Variants in TRPM7 observed in about 807,000 individuals in gnomAD.
TRPM7 encodes the protein LTRPC ion channel family member 7.
TRPM7 carries 134 observed loss-of-function variants against 229.7 expected under a neutral mutation model. That is an observed-to-expected ratio of 0.58 (90% CI 0.51 to 0.67). The LOEUF is 0.67. Among genes scored for constraint, TRPM7 ranks in the 30% least tolerant of loss-of-function variants. TRPM7 has a pLI of 0.00. For synonymous variants in TRPM7, 699 were observed against 715.2 expected, an observed-to-expected ratio of 0.98 and a Z score of 0.36; for missense variants, 1,901 against 2,210.0, an observed-to-expected ratio of 0.86 and a Z score of 2.80.
At chr15:50,599,549 G>GT in intron 21 of TRPM7, 1 of 312,774 alleles carries the variant, frequency 3.2e-6, no homozygotes, top group East Asian at 5.3e-5. Flanking sequence ...ATAATGAATT[G>GT]TATCACTGGT....
At chr15:50,585,460 A>G (rs1331950610) in intron 28 of TRPM7, among the ~76,000 whole-genome samples, 1 of 152,190 alleles carries the variant, frequency 6.6e-6, no homozygotes, top group Non-Finnish European at 1.5e-5. Flanking sequence ...TGGGCTTTCA[A>G]TAGTTCACTA....
intron 17 of TRPM7, 26 bp downstream of exon 17, chr15:50,611,067 T>C (rs573548699): frequency 6.5e-7 from 1 of 1,537,154 alleles, no homozygotes; most frequent in East Asian, 2.3e-5. Context: ...TCACATGCTT[T>C]ATATCAAATT....
chr15:50,683,262 T>C (rs1453278084), intron 1 of TRPM7, among the ~76,000 whole-genome samples: 1 of 151,786 alleles, frequency 6.6e-6, no homozygotes, highest in Non-Finnish European at 1.5e-5. Flanking sequence ...TTTACTTATA[T>C]GTTGAAAGAT....
intron 1 of TRPM7, among the ~76,000 whole-genome samples, chr15:50,682,576 CAA>C (rs146017285): frequency 1.6e-4 from 17 of 103,108 alleles, no homozygotes; most frequent in Admixed American, 2.1e-4. Flanking sequence ...AACTCCATCT[CAA>C]AAAAAAAAAA....
chr15:50,617,175 T>TAAATAAATA (rs2060247498), intron 13 of TRPM7, among the ~76,000 whole-genome samples: 2 of 129,106 alleles, frequency 1.5e-5, no homozygotes, highest in South Asian at 4.9e-4. Context: ...AATAAATAAA[T>TAAATAAATA]AAATAAAATA....
intron 10 of TRPM7, among the ~76,000 whole-genome samples, chr15:50,630,896 C>T (rs1315267016): frequency 6.6e-6 from 1 of 152,006 alleles, no homozygotes; most frequent in African/African-American, 2.4e-5. Flanking sequence ...AATACAGCGG[C>T]ATGATCACAG....
chr15:50,641,703 CA>C (rs2061105489), intron 5 of TRPM7, among the ~76,000 whole-genome samples: 1 of 152,172 alleles, frequency 6.6e-6, no homozygotes, highest in East Asian at 1.9e-4. Context: ...CAATGAGGTT[CA>C]AAAAATAGCT....
rs550902625 is a variant in TRPM7, at chr15:50,577,657, T to C, written c.4618+982A>G. Among the ~76,000 whole-genome samples the C allele has an allele frequency of 3.3e-5, 5 of 152,304 alleles. No homozygotes were observed. The South Asian group carries it at 1.0e-3, about 32-fold the overall frequency. On this transcript the variant is annotated intron_variant, in intron 31 of 38. Coordinates refer to ENST00000646667, the MANE Select transcript of TRPM7 (RefSeq NM_017672.6). ...ACCACTCTGAAAACCTATTTGGTAGTAATTACCAAATGTGAACACATGCTA... is the reference window on the plus strand; with the variant it reads ...ACCACTCTGAAAACCTATTTGGTAGCAATTACCAAATGTGAACACATGCTA...
chr15:50,576,728 A>C (rs754848046), intron 31 of TRPM7, among the ~76,000 whole-genome samples: 1 of 152,250 alleles, frequency 6.6e-6, no homozygotes, highest in Non-Finnish European at 1.5e-5. Context: ...AATGATTTGA[A>C]TATGCAGCTA....
At position 50,559,273 on chromosome 15, in the gene TRPM7, G is replaced by C. The variant is rs2053224580; in HGVS notation, c.*2405C>G. On this transcript the variant is annotated 3_prime_UTR_variant, in exon 39 of 39. Transcript: ENST00000646667. Reference sequence around the variant, plus strand: ...TCACTATGTTGGTCAGGCTGGTCTCGAACTCCTGACCTTGTGATCCGCCCA... The same window carrying C: ...TCACTATGTTGGTCAGGCTGGTCTCCAACTCCTGACCTTGTGATCCGCCCA... The C allele has an allele frequency of 1.3e-5, 2 of 151,680 alleles. No individual in the cohort carries two copies. Among genetic ancestry groups the C allele is most frequent in the African/African-American group, 4.9e-5 (2 of 41,232 alleles). 9.4% of individuals were successfully genotyped at this position (151,680 alleles called of 1,614,324 possible). A position where few individuals can be genotyped will look rare whatever the true frequency, so the allele number is the denominator to read the frequency against.
chr15:50,614,109 C>A lies in TRPM7; in HGVS notation c.1635+14G>T. The A allele has an allele frequency of 6.3e-7, 1 of 1,584,148 alleles. No individual in the cohort carries two copies. The highest frequency in any genetic ancestry group is 8.6e-7 in the Non-Finnish European group (1 of 1,168,806). The stretch of plus-strand genomic sequence containing the variant: ...TAAAGCATATATATAGATTTCCCCA[C>A]AAATTTTACATACCCGATTATTTCC... On this transcript the variant is annotated intron_variant, in intron 14 of 38. Transcript: ENST00000646667.
intron 4 of TRPM7, among the ~76,000 whole-genome samples, chr15:50,644,987 T>G (rs1054822598): frequency 6.6e-6 from 1 of 150,770 alleles, no homozygotes; most frequent in African/African-American, 2.4e-5. Context: ...CTGCAGCCTC[T>G]GCCTCCCAGG....
rs540430319 is a variant in TRPM7 at position 50,583,735 on chromosome 15, C to G, written c.4487-576G>C. On this transcript the variant is annotated intron_variant, in intron 28 of 38. Transcript: ENST00000646667. ...GGCATTACAGGCATGTGCCACCATG[C>G]CCGGCTAATTTTGTTTTCAGTAGAG... Among the ~76,000 whole-genome samples the G allele has an allele frequency of 2.5e-4, 38 of 152,164 alleles. 1 individual carries two copies. The South Asian group carries it at 7.7e-3, about 31-fold the overall frequency.
At chr15:50,669,205 G>A (rs2061940523) in intron 1 of TRPM7, among the ~76,000 whole-genome samples, 3 of 152,170 alleles carry the variant, frequency 2.0e-5, no homozygotes, top group South Asian at 2.1e-4. Context: ...ACATTGGGAG[G>A]CTGAGGTAGG....
At chr15:50,602,868 C>CAG (rs1463762969) in intron 21 of TRPM7, among the ~76,000 whole-genome samples, 1 of 152,172 alleles carries the variant, frequency 6.6e-6, no homozygotes, top group Non-Finnish European at 1.5e-5. Flanking sequence ...GACATCCTAG[C>CAG]AGAGGGTGGT....
At chr15:50,574,794 G>A in intron 34 of TRPM7, 58 bp downstream of exon 34, 3 of 1,583,896 alleles carry the variant, frequency 1.9e-6, no homozygotes, top group Non-Finnish European at 2.6e-6. Flanking sequence ...TGATATTTCA[G>A]AAGTTAAAAT....
intron 10 of TRPM7, among the ~76,000 whole-genome samples, chr15:50,628,825 G>A (rs112208126): frequency 4.6e-5 from 7 of 152,298 alleles, no homozygotes; most frequent in African/African-American, 1.2e-4. Flanking sequence ...CAGAGATAGC[G>A]CTATTAGGAT....
intron 26 of TRPM7, among the ~76,000 whole-genome samples, chr15:50,591,564 A>G (rs2059493774): frequency 6.7e-6 from 1 of 150,138 alleles, no homozygotes; most frequent in African/African-American, 2.5e-5. Flanking sequence ...TTGTGTGATC[A>G]CAGCCCACTG....
chr15:50,651,168 CACAG>C (rs1403676154), intron 3 of TRPM7, among the ~76,000 whole-genome samples: 1 of 152,056 alleles, frequency 6.6e-6, no homozygotes, highest in Non-Finnish European at 1.5e-5. Flanking sequence ...GCCTGGGTGA[CACAG>C]AGAGACCCTG....
Sources: gnomAD v4.1 joint callset for allele counts (sites outside exome capture counted in the v4.1 genomes callset) on GRCh38, gnomAD v4.1.1 for gene constraint, MANE v1.5 for transcripts, NCBI Gene and HGNC (gene_info 2026-07-23, HGNC 2026-07-21) for gene names.